The following OPHN1 variants were observed in gnomAD, a reference collection of about 807,000 sequenced individuals.
OPHN1 encodes the protein oligophrenin 1.
A neutral mutation model predicts 60.7 loss-of-function variants in OPHN1; 11 were observed. The observed-to-expected ratio is 0.18, with a 90% CI of 0.11 to 0.30. The LOEUF (loss-of-function observed/expected upper bound fraction) is 0.30. Ranked by LOEUF, OPHN1 falls within the 10% of genes least tolerant of loss-of-function variation. The pLI is 1.00. For synonymous variants in OPHN1, 226 were observed against 222.6 expected, an observed-to-expected ratio of 1.02 and a Z score of -0.14; for missense variants, 449 against 611.0, an observed-to-expected ratio of 0.73 and a Z score of 2.80.
chrX:68,240,518 C>T (rs1451642812), intron 5 of OPHN1, among the ~76,000 whole-genome samples: 2 of 110,773 alleles, frequency 1.8e-5, no homozygotes, highest in Admixed American at 9.7e-5. Flanking sequence ...AGGAATTAAC[C>T]TCATCTCTTT....
intron 3 of OPHN1, among the ~76,000 whole-genome samples, chrX:68,290,153 T>C (rs1178762534): frequency 1.8e-5 from 2 of 111,341 alleles, no homozygotes; most frequent in African/African-American, 6.5e-5. Context: ...AAGTCAAAAA[T>C]GAAATGATTT....
intron 2 of OPHN1, among the ~76,000 whole-genome samples, chrX:68,375,388 T>C (rs1012737475): frequency 9.0e-6 from 1 of 111,345 alleles, no homozygotes; most frequent in Non-Finnish European, 1.9e-5. Flanking sequence ...TCCTAGCTAC[T>C]TGGGAGGCTG....
At position 68,046,951 on chromosome X, in the gene OPHN1, C is replaced by T. The variant is rs765521454; in HGVS notation, c.*221G>A. 2.7e-5 allele frequency: 3 copies of T among 111,415 alleles called. No homozygotes were observed. The highest frequency in any genetic ancestry group is 7.6e-4 in the South Asian group (2 of 2,624). 9.2% of individuals were successfully genotyped at this position (111,415 alleles called of 1,213,427 possible). ...AGTGTTATAGGAACTCAAAACAGAC[C>T]TTCTGAGGGGATGAAGACAGAATAC... is the stretch of plus-strand genomic sequence containing the variant. On this transcript the variant is annotated 3_prime_UTR_variant, in exon 25 of 25. Transcript: ENST00000355520.
intron 12 of OPHN1, among the ~76,000 whole-genome samples, chrX:68,196,765 C>T (rs752588838): frequency 5.4e-5 from 6 of 112,149 alleles, no homozygotes; most frequent in Non-Finnish European, 1.1e-4. Flanking sequence ...GCAGAAAAAT[C>T]ATTCTGAATA....
intron 2 of OPHN1, among the ~76,000 whole-genome samples, chrX:68,414,529 G>A (rs1347737963): frequency 8.9e-6 from 1 of 112,021 alleles, no homozygotes; most frequent in East Asian, 2.8e-4. Context: ...TCATAAGTAT[G>A]TTTTTTTAAA....
At chrX:68,308,172 T>C (rs2078155171) in intron 2 of OPHN1, among the ~76,000 whole-genome samples, 1 of 112,506 alleles carries the variant, frequency 8.9e-6, no homozygotes, top group African/African-American at 3.2e-5. Context: ...AAAAAAATGC[T>C]ACTACTTACC....
Position 68,063,928 on chromosome X carries a change from C to T in OPHN1, c.2084G>A (p.Gly695Asp). Residue 695 changes from glycine (G) to aspartate (D), a missense_variant, in exon 21 of 25, where the codon GGC becomes GAC. Physicochemically the swap from Gly to Asp is moderately conservative, Grantham distance 94. Around this residue, in one of 4 missense-constraint regions of OPHN1, gnomAD observed 184 missense variants for 160.5 expected, o/e 1.15. Coordinates refer to ENST00000355520, the MANE Select transcript of OPHN1 (RefSeq NM_002547.3). The part of the protein sequence containing the change: ...TPKATNGPMP[G>D]SGPTKTPSFH... ...AGAGGGGGTCTTGGTGGGCCCAGAG[C>T]CTGGCATGGGTCCATTGGTGGCCTT... The T allele has an allele frequency of 8.3e-7, 1 of 1,198,897 alleles. No homozygotes were observed. Among genetic ancestry groups the T allele is most frequent in the Non-Finnish European group, 1.1e-6 (1 of 888,376 alleles).
At chrX:68,101,849 G>A (rs1249374059) in intron 18 of OPHN1, among the ~76,000 whole-genome samples, 2 of 112,088 alleles carry the variant, frequency 1.8e-5, no homozygotes, top group Non-Finnish European at 3.8e-5. Flanking sequence ...TGCAGCATAT[G>A]GTGTATACAA....
chrX:68,234,667 T>G, intron 5 of OPHN1, 79 bp from the exon 6 acceptor site: 9 of 772,895 alleles, frequency 1.2e-5, no homozygotes, highest in Non-Finnish European at 1.6e-5. Context: ...ATGAAGGAGA[T>G]AGTGTCAGGT....
rs1484311296 is a variant in OPHN1, at chrX:68,043,372, AAAAAAAAG to A, written c.*3792_*3799del. On this transcript the variant is annotated 3_prime_UTR_variant, in exon 25 of 25. Coordinates refer to ENST00000355520, the MANE Select transcript of OPHN1 (RefSeq NM_002547.3). ...TGTACCCTAAAACTTAGAGTATAAT[AAAAAAAAG>A]AAAAAAAAAAGAAAAAAAAAGGTAT... The A allele has an allele frequency of 2.1e-5, 2 of 94,585 alleles. No individual in the cohort carries two copies. Among genetic ancestry groups the A allele is most frequent in the African/African-American group, 4.6e-5 (1 of 21,643 alleles). 7.8% of individuals were successfully genotyped at this position (94,585 alleles called of 1,213,427 possible). A position where few individuals can be genotyped will look rare whatever the true frequency, so the allele number is the denominator to read the frequency against.
At chrX:68,204,717 G>A (rs762133600) in intron 10 of OPHN1, among the ~76,000 whole-genome samples, 1 of 111,005 alleles carries the variant, frequency 9.0e-6, no homozygotes, top group African/African-American at 3.3e-5. Flanking sequence ...CATCAAAAAT[G>A]CTCAGGCCAC....
chrX:68,062,352 G>A (rs1222261183), intron 21 of OPHN1, among the ~76,000 whole-genome samples: 1 of 112,661 alleles, frequency 8.9e-6, no homozygotes, highest in Non-Finnish European at 1.9e-5. Flanking sequence ...CATGAAAGCA[G>A]CCATAGACAA....
At chrX:68,367,113 A>C (rs1488422339) in intron 2 of OPHN1, among the ~76,000 whole-genome samples, 3 of 110,856 alleles carry the variant, frequency 2.7e-5, no homozygotes, top group African/African-American at 9.8e-5. Flanking sequence ...TAATCCCAGC[A>C]CTTTGGGAGG....
At chrX:68,076,173 T>A (rs1181199142) in intron 19 of OPHN1, among the ~76,000 whole-genome samples, 1 of 110,996 alleles carries the variant, frequency 9.0e-6, no homozygotes, top group Non-Finnish European at 1.9e-5. Context: ...AATATTTGAA[T>A]AGACACTTTA....
intron 19 of OPHN1, among the ~76,000 whole-genome samples, chrX:68,079,097 A>C (rs2076965019): frequency 9.0e-6 from 1 of 111,569 alleles, no homozygotes. Flanking sequence ...AACCTACTTT[A>C]TCTCTCCTCA....
intron 2 of OPHN1, among the ~76,000 whole-genome samples, chrX:68,400,446 G>A (rs758791787): frequency 1.4e-4 from 15 of 110,121 alleles, no homozygotes; most frequent in Admixed American, 2.9e-4. Context: ...ACTGAGTAAT[G>A]TATAAAGAAA....
intron 18 of OPHN1, among the ~76,000 whole-genome samples, chrX:68,105,261 G>A (rs765162332): frequency 2.0e-4 from 22 of 110,509 alleles, no homozygotes; most frequent in South Asian, 8.0e-4. Context: ...ATTCCTCAAG[G>A]ATCTAGAACC....
At chrX:68,074,331 T>C (rs1432098467) in intron 19 of OPHN1, among the ~76,000 whole-genome samples, 1 of 111,668 alleles carries the variant, frequency 9.0e-6, no homozygotes, top group Non-Finnish European at 1.9e-5. Flanking sequence ...CGTGAGTATA[T>C]GCCTCATGAT....
At chrX:68,132,588 T>C (rs1385387738) in intron 15 of OPHN1, among the ~76,000 whole-genome samples, 3 of 88,672 alleles carry the variant, frequency 3.4e-5, no homozygotes, top group Admixed American at 1.2e-4. Flanking sequence ...TTGGGAGATA[T>C]ACCTAATGCT....
Sources: gnomAD v4.1 joint callset for allele counts (sites outside exome capture counted in the v4.1 genomes callset) on GRCh38, gnomAD v4.1.1 for gene constraint, gnomAD v4.1.1 regional missense constraint, MANE v1.5 for transcripts, NCBI Gene and HGNC (gene_info 2026-07-23, HGNC 2026-07-21) for gene names.